UGT1A8: variants seen among roughly 807,000 people sequenced by gnomAD.
UGT1A8 encodes UDP-glucuronosyltransferase 1A8.
Under a neutral mutation model 45.3 loss-of-function variants are expected in UGT1A8, and 39 were observed. The observed-to-expected ratio is 0.86, with a 90% CI of 0.67 to 1.12. The LOEUF is 1.12. Among genes scored for constraint, UGT1A8 ranks in the 50% most tolerant of loss-of-function variants. The probability of loss-of-function intolerance (pLI) is 0.00; values close to 1 mark genes in which losing one functional copy is unlikely to be tolerated. For synonymous variants in UGT1A8, 275 were observed against 249.2 expected (o/e 1.10, Z -0.97); for missense variants, 719 against 664.9 (o/e 1.08, Z -0.90).
chr2:233,698,825 A>G lies in UGT1A8; in HGVS notation c.856-68209A>G, dbSNP rs116279107. Reference sequence around the variant, plus strand: ...CCCAGCCTCGCCTTGTGGAAGAGTAAGGCAGGATCACTTCCCTCTTATTCC... The same window carrying G: ...CCCAGCCTCGCCTTGTGGAAGAGTAGGGCAGGATCACTTCCCTCTTATTCC... On this transcript the variant is annotated intron_variant, in intron 1 of 4. Coordinates refer to ENST00000373450, the MANE Select transcript of UGT1A8 (RefSeq NM_019076.5). Among the ~76,000 whole-genome samples, 635 of 152,362 alleles carry G rather than the reference A, an allele frequency of 4.2e-3. 10 individuals are homozygous for G. Among genetic ancestry groups the G allele is most frequent in the African/African-American group, 0.015 (605 of 41,584 alleles).
At chr2:233,754,933 C>CAAAGG (rs1267849400) in intron 1 of UGT1A8, 2 of 1,344,048 alleles carry the variant, frequency 1.5e-6, no homozygotes, top group African/African-American at 3.0e-5. Flanking sequence ...CCCAAGAGGT[C>CAAAGG]AAAGGAGAAT....
At chr2:233,743,513 T>C (rs1354115874) in intron 1 of UGT1A8, 1 of 1,367,162 alleles carries the variant, frequency 7.3e-7, no homozygotes, top group South Asian at 1.1e-5. Flanking sequence ...GCAGACGCTC[T>C]GCTTCTGCTT....
intron 1 of UGT1A8, chr2:233,761,099 A>G: frequency 5.0e-6 from 8 of 1,614,170 alleles, no homozygotes; most frequent in African/African-American, 1.3e-5. Context: ...ATCATGCCCA[A>G]TATGGTTTTT....
chr2:233,731,475 C>A lies in UGT1A8; in HGVS notation c.856-35559C>A, dbSNP rs368820066. ...AACAGGCCCTGGCGTGTGATGTTCC[C>A]TGGCCTGTGTCCAGTGTTCTTGCTG... On this transcript the variant is annotated intron_variant, in intron 1 of 4. Coordinates refer to ENST00000373450, the MANE Select transcript of UGT1A8 (RefSeq NM_019076.5). Among the ~76,000 whole-genome samples the A allele has an allele frequency of 3.1e-4, 47 of 152,264 alleles. No homozygotes were observed. The South Asian group carries it at 9.3e-3, about 30-fold the overall frequency.
At chr2:233,717,649 C>G in intron 1 of UGT1A8, 1 of 403,118 alleles carries the variant, frequency 2.5e-6, no homozygotes, top group East Asian at 7.2e-5. Context: ...GCGACCAGGA[C>G]AAGGAAGCAT....
chr2:233,644,181 C>T (rs1250554397), intron 1 of UGT1A8, among the ~76,000 whole-genome samples: 1 of 152,158 alleles, frequency 6.6e-6, no homozygotes, highest in African/African-American at 2.4e-5. Flanking sequence ...TACTTGAGGC[C>T]AAGACCATTT....
Position 233,744,327 on chromosome 2 carries a change from G to GAC in UGT1A8, c.856-22707_856-22706insAC, listed in dbSNP as rs1692775821. Among the ~76,000 whole-genome samples, 2 of 151,850 alleles carry GAC rather than the reference G, an allele frequency of 1.3e-5. 1 individual carries two copies. The highest frequency in any genetic ancestry group is 4.9e-5 in the African/African-American group (2 of 41,110). ...GGAGGGAAGAGGGTGGTGGGAGTGA[G>GAC]TTTAGTCTGACTGGGGCTGAAGACA... On this transcript the variant is annotated intron_variant, in intron 1 of 4. Transcript: ENST00000373450.
intron 1 of UGT1A8, among the ~76,000 whole-genome samples, chr2:233,637,924 ATTCTT>A (rs532730461): frequency 1.0e-3 from 154 of 152,294 alleles, no homozygotes; most frequent in Admixed American, 4.0e-3. Flanking sequence ...ATTGCATAAA[ATTCTT>A]TACTTTGGAT....
At chr2:233,627,595 C>T (rs2073106498) in intron 1 of UGT1A8, among the ~76,000 whole-genome samples, 2 of 150,862 alleles carry the variant, frequency 1.3e-5, no homozygotes, top group African/African-American at 4.9e-5. Flanking sequence ...GCAGCAATGT[C>T]TTCATGAATC....
intron 1 of UGT1A8, chr2:233,730,074 A>G: frequency 6.2e-7 from 1 of 1,607,274 alleles, no homozygotes; most frequent in African/African-American, 1.3e-5. Context: ...AATTGCTTCC[A>G]TATTTACTTA....
chr2:233,700,502 C>T (rs956057394), intron 1 of UGT1A8, among the ~76,000 whole-genome samples: 2 of 152,038 alleles, frequency 1.3e-5, no homozygotes, highest in Non-Finnish European at 2.9e-5. Flanking sequence ...AGCCTAGAAA[C>T]TTGACTGTCT....
chr2:233,751,852 T>C (rs1461134305), intron 1 of UGT1A8, among the ~76,000 whole-genome samples: 2 of 152,196 alleles, frequency 1.3e-5, no homozygotes, highest in East Asian at 1.9e-4. Context: ...TTTAAACCTT[T>C]GTCTTTTATA....
In UGT1A8 at chr2:233,693,210, A is replaced by G. The variant is rs751801719; in HGVS notation, c.856-73824A>G. ...CCTGAAGTTAATTTGCTTTTGAAAG[A>G]ATCCAAATACTACACAAGAAAAATC... On this transcript the variant is annotated intron_variant, in intron 1 of 4. Transcript: ENST00000373450. The G allele has an allele frequency of 3.1e-6, 5 of 1,614,206 alleles. No individual in the cohort carries two copies. Among genetic ancestry groups the G allele is most frequent in the Admixed American group, 3.3e-5 (2 of 60,028 alleles).
chr2:233,651,376 A>C (rs1161709966), intron 1 of UGT1A8, among the ~76,000 whole-genome samples: 1 of 152,222 alleles, frequency 6.6e-6, no homozygotes, highest in Non-Finnish European at 1.5e-5. Flanking sequence ...TAAAATAGGA[A>C]ACATATTGGC....
In UGT1A8 at chr2:233,617,869, G is replaced by C. The variant is rs1476954098; in HGVS notation, c.162G>C (p.Glu54Asp). 6.2e-7 allele frequency: 1 copy of C among 1,614,030 alleles called. No homozygotes were observed. The highest frequency in any genetic ancestry group is 8.5e-7 in the Non-Finnish European group (1 of 1,180,046). The change falls in exon 1 of 5, where the codon GAG becomes GAC. Residue 54 changes from glutamate (E) to aspartate (D), a missense_variant. Physicochemically the swap from Glu to Asp is conservative, Grantham distance 45. Coordinates refer to ENST00000373450, the MANE Select transcript of UGT1A8 (RefSeq NM_019076.5). ...VVEKLILRGHEVVVVMPEVSW... is the reference protein window; with the variant it reads ...VVEKLILRGHDVVVVMPEVSW... The stretch of plus-strand genomic sequence containing the variant: ...AGAAACTTATCCTCAGGGGGCATGA[G>C]GTGGTTGTAGTCATGCCAGAGGTGA...
chr2:233,681,229 A>G (rs1331395758), intron 1 of UGT1A8, among the ~76,000 whole-genome samples: 1 of 151,962 alleles, frequency 6.6e-6, no homozygotes, highest in African/African-American at 2.4e-5. Context: ...CAGAGGACAA[A>G]ATAAAAATTG....
At position 233,629,495 on chromosome 2, in the gene UGT1A8, A is replaced by G. The variant is rs2073149726; in HGVS notation, c.855+10933A>G. 3.3e-5 allele frequency among the ~76,000 whole-genome samples: 5 copies of G among 152,124 alleles called. No individual in the cohort carries two copies. In the South Asian group the frequency reaches 8.3e-4, roughly 25 times the overall value. On this transcript the variant is annotated intron_variant, in intron 1 of 4. Transcript: ENST00000373450. ...GTTATGGTGTCTAATCTTTTTGTGT[A>G]GTACCTATTTTAAAATATTACAGAC...
rs529215357 is a variant in UGT1A8, at chr2:233,707,210, CT to C, written c.856-59820del. On this transcript the variant is annotated intron_variant, in intron 1 of 4. Coordinates refer to ENST00000373450, the MANE Select transcript of UGT1A8 (RefSeq NM_019076.5). ...GCCCTCCGTTCTATTCCCTTTCCAT[CT>C]TTTCTCTGACTTTTGTGATGATTAT... Among the ~76,000 whole-genome samples, 182 of 152,268 alleles carry C rather than the reference CT, an allele frequency of 1.2e-3. 1 individual carries two copies. The highest frequency in any genetic ancestry group is 4.3e-3 in the African/African-American group (179 of 41,568).
chr2:233,650,019 G>A (rs573374900), intron 1 of UGT1A8, among the ~76,000 whole-genome samples: 1 of 152,272 alleles, frequency 6.6e-6, no homozygotes, highest in East Asian at 1.9e-4. Context: ...TGTCGAGGCT[G>A]GGGTGCAATG....
Sources: allele counts gnomAD v4.1 joint callset (sites outside exome capture counted in the v4.1 genomes callset), GRCh38; gene constraint gnomAD v4.1.1; transcripts MANE v1.5; gene names NCBI Gene and HGNC (gene_info 2026-07-23, HGNC 2026-07-21).